AGTPBP1: variants seen among roughly 807,000 people sequenced by gnomAD.
AGTPBP1 encodes ATP/GTP binding carboxypeptidase 1.
AGTPBP1 carries 70 observed loss-of-function variants against 143.9 expected under a neutral mutation model. The observed-to-expected ratio is 0.49, with a 90% confidence interval of 0.40 to 0.59. AGTPBP1 has a LOEUF of 0.59. Among genes scored for constraint, AGTPBP1 ranks in the 20% least tolerant of loss-of-function variants. The probability of loss-of-function intolerance (pLI) is 0.00; values close to 1 mark genes in which losing one functional copy is unlikely to be tolerated. For synonymous variants in AGTPBP1, 463 were observed against 500.2 expected, an observed-to-expected ratio of 0.93 and a Z score of 0.99; for missense variants, 1,229 against 1,464.5, an observed-to-expected ratio of 0.84 and a Z score of 2.62.
intron 25 of AGTPBP1, among the ~76,000 whole-genome samples, chr9:85,573,788 C>T (rs1362744746): frequency 1.3e-5 from 2 of 151,098 alleles, no homozygotes; most frequent in Admixed American, 6.6e-5. Context: ...CGCCTCTGCC[C>T]GGCAGCGACC....
chr9:85,662,715 C>T (rs1233966355), intron 8 of AGTPBP1, among the ~76,000 whole-genome samples: 1 of 151,980 alleles, frequency 6.6e-6, no homozygotes, highest in Non-Finnish European at 1.5e-5. Flanking sequence ...ATGCCTAGGG[C>T]CACATAAAAT....
chr9:85,740,032 T>C (rs1824137886), intron 1 of AGTPBP1, among the ~76,000 whole-genome samples: 1 of 152,036 alleles, frequency 6.6e-6, no homozygotes, highest in Non-Finnish European at 1.5e-5. Flanking sequence ...AAATACAAAT[T>C]ACAAAATTTC....
chr9:85,762,627 G>T, the AGTPBP1 span, among the ~76,000 whole-genome samples: 2 of 134,942 alleles, frequency 1.5e-5, no homozygotes, highest in African/African-American at 2.8e-5. Context: ...GTTGTGGGGT[G>T]TGGGGAGGGG....
At chr9:85,605,349 G>A (rs1019821942) in intron 17 of AGTPBP1, among the ~76,000 whole-genome samples, 3 of 151,950 alleles carry the variant, frequency 2.0e-5, no homozygotes, top group African/African-American at 7.2e-5. Flanking sequence ...TTAAAGCACT[G>A]AAGGAAAAAA....
rs553601318 is a variant in AGTPBP1 at position 85,707,651 on chromosome 9, T to G, written c.32+4851A>C. ...AAATGAACAAATGCCTTGAAAGACA[T>G]TAGCTTCCTAACATTTTCACAGGAA... is the stretch of plus-strand genomic sequence containing the variant. On this transcript the variant is annotated intron_variant, in intron 2 of 25. Coordinates refer to ENST00000357081, the MANE Select transcript of AGTPBP1 (RefSeq NM_001330701.2). Among the ~76,000 whole-genome samples, 4 of 152,344 alleles carry G rather than the reference T, an allele frequency of 2.6e-5. No individual in the cohort carries two copies. The South Asian group carries it at 8.3e-4, about 32-fold the overall frequency.
chr9:85,702,747 G>T (rs1836750872), intron 2 of AGTPBP1, among the ~76,000 whole-genome samples: 1 of 151,422 alleles, frequency 6.6e-6, no homozygotes, highest in Non-Finnish European at 1.5e-5. Context: ...CCTATAAAAA[G>T]ATGGGAGGTG....
intron 1 of AGTPBP1, among the ~76,000 whole-genome samples, chr9:85,726,302 T>C (rs1267073421): frequency 6.6e-6 from 1 of 152,160 alleles, no homozygotes; most frequent in Non-Finnish European, 1.5e-5. Context: ...CCCAATGTTT[T>C]GCTATTTGGC....
At chr9:85,744,331 A>C (rs1824558511), upstream of AGTPBP1, among the ~76,000 whole-genome samples, 1 of 152,216 alleles carries the variant, frequency 6.6e-6, no homozygotes, top group Admixed American at 6.5e-5. Flanking sequence ...GTAGTTAATA[A>C]ACATCATCTA....
At chr9:85,804,260 G>T in the AGTPBP1 span, among the ~76,000 whole-genome samples, 8 of 152,040 alleles carry the variant, frequency 5.3e-5, no homozygotes, top group African/African-American at 1.7e-4. Flanking sequence ...AACATACCTG[G>T]AGTCTTTGCT....
chr9:85,672,827 C>T (rs117187904), intron 6 of AGTPBP1, 146 bp from the exon 7 acceptor site: 9,481 of 544,198 alleles, frequency 0.017, 119 homozygotes, highest in Middle Eastern at 0.037. Flanking sequence ...CTCTGGCTCC[C>T]AGGTTGAAGC....
intron 13 of AGTPBP1, among the ~76,000 whole-genome samples, chr9:85,642,303 A>G (rs1336663140): frequency 6.6e-6 from 1 of 152,126 alleles, no homozygotes; most frequent in Non-Finnish European, 1.5e-5. Flanking sequence ...CAAAAAGACT[A>G]AAGTGACAAA....
intron 13 of AGTPBP1, 122 bp downstream of exon 13, chr9:85,642,705 A>C (rs903712638): frequency 2.5e-6 from 2 of 786,190 alleles, no homozygotes; most frequent in African/African-American, 3.5e-5. Context: ...CACTCAGAAA[A>C]GCAATGCTAG....
At chr9:85,622,558 CTT>C (rs1831002682) in intron 14 of AGTPBP1, among the ~76,000 whole-genome samples, 1 of 151,932 alleles carries the variant, frequency 6.6e-6, no homozygotes, top group East Asian at 1.9e-4. Context: ...TAAAACTAAT[CTT>C]AATCTACTAG....
At chr9:85,727,730 T>G (rs1411189152) in intron 1 of AGTPBP1, among the ~76,000 whole-genome samples, 1 of 152,118 alleles carries the variant, frequency 6.6e-6, no homozygotes, top group Middle Eastern at 3.2e-3. Context: ...AAAATATTTT[T>G]AAGGCCAGTT....
chr9:85,691,470 T>C (rs908012856), intron 3 of AGTPBP1, among the ~76,000 whole-genome samples: 3 of 151,934 alleles, frequency 2.0e-5, no homozygotes, highest in Admixed American at 6.6e-5. Flanking sequence ...CTAACAGAAA[T>C]ACCTTTTATG....
chr9:85,583,683 T>C (rs1369948993), intron 23 of AGTPBP1, among the ~76,000 whole-genome samples: 1 of 152,084 alleles, frequency 6.6e-6, no homozygotes, highest in Non-Finnish European at 1.5e-5. Flanking sequence ...GAAAAACTGT[T>C]TTGCATTTAC....
intron 11 of AGTPBP1, among the ~76,000 whole-genome samples, chr9:85,646,844 A>G (rs1832841055): frequency 6.6e-6 from 1 of 152,132 alleles, no homozygotes; most frequent in Non-Finnish European, 1.5e-5. Flanking sequence ...CGGGTTGTCT[A>G]ATCTTTTTGT....
At chr9:85,731,458 GTGTT>G (rs933391277) in intron 1 of AGTPBP1, among the ~76,000 whole-genome samples, 34 of 151,810 alleles carry the variant, frequency 2.2e-4, no homozygotes, top group African/African-American at 5.3e-4. Context: ...TTTTTTGTGT[GTGTT>G]TGTTTGTTTG....
chr9:85,611,222 T>TA (rs1433336140), intron 17 of AGTPBP1, among the ~76,000 whole-genome samples: 1 of 127,768 alleles, frequency 7.8e-6, no homozygotes, highest in Non-Finnish European at 1.6e-5. Context: ...TCACACTAAA[T>TA]AAAAAATAAA....
Sources: allele counts gnomAD v4.1 joint callset (sites outside exome capture counted in the v4.1 genomes callset), GRCh38; gene constraint gnomAD v4.1.1; transcripts MANE v1.5; gene names NCBI Gene and HGNC (gene_info 2026-07-23, HGNC 2026-07-21).